Variants in ADAMTSL1 observed in about 807,000 individuals in gnomAD.
ADAMTSL1 encodes ADAMTS like 1.
Under a neutral mutation model 201.8 loss-of-function variants are expected in ADAMTSL1, and 126 were observed. The observed-to-expected ratio is 0.62, with a 90% CI of 0.54 to 0.72. The LOEUF (loss-of-function observed/expected upper bound fraction) is 0.72. Among genes scored for constraint, ADAMTSL1 ranks in the 30% least tolerant of loss-of-function variants. ADAMTSL1 has a pLI of 0.00. For synonymous variants in ADAMTSL1, 1,121 were observed against 903.4 expected (o/e 1.24, Z -4.32); for missense variants, 2,679 against 2,277.8 (o/e 1.18, Z -3.59).
intron 16 of ADAMTSL1, 93 bp from the exon 17 acceptor site, chr9:18,770,509 C>T: frequency 6.2e-6 from 8 of 1,283,172 alleles, no homozygotes; most frequent in South Asian, 1.7e-5. Flanking sequence ...TTTTTTTCTT[C>T]CTTTACTCTG....
intron 23 of ADAMTSL1, among the ~76,000 whole-genome samples, chr9:18,862,829 G>A (rs576440177): frequency 1.3e-5 from 2 of 152,292 alleles, no homozygotes; most frequent in African/African-American, 2.4e-5. Flanking sequence ...AGCAGCCTGA[G>A]GGTAGAGTCA....
intron 23 of ADAMTSL1, among the ~76,000 whole-genome samples, chr9:18,862,886 T>C (rs1827297196): frequency 6.6e-6 from 1 of 152,152 alleles, no homozygotes; most frequent in Admixed American, 6.5e-5. Context: ...AAAAAAATGC[T>C]GATGTGTTTT....
intron 1 of ADAMTSL1, among the ~76,000 whole-genome samples, chr9:18,486,043 G>A (rs964069458): frequency 6.6e-5 from 10 of 152,168 alleles, no homozygotes; most frequent in African/African-American, 2.4e-4. Flanking sequence ...AGGCCTCAGA[G>A]GCTCTTATAA....
intron 3 of ADAMTSL1, among the ~76,000 whole-genome samples, chr9:18,570,709 A>G (rs191227795): frequency 4.8e-4 from 73 of 152,344 alleles, no homozygotes; most frequent in African/African-American, 1.5e-3. Flanking sequence ...CTCAAACACT[A>G]AAAAGGTTCA....
At chr9:17,931,304 C>T (rs189019006) in intron 1 of ADAMTSL1, among the ~76,000 whole-genome samples, 6 of 152,268 alleles carry the variant, frequency 3.9e-5, no homozygotes, top group Admixed American at 1.3e-4. Flanking sequence ...CTCTTAACTC[C>T]GTTCCTTAGC....
At chr9:18,422,188 C>A (rs564556465) in intron 2 of ADAMTSL1, among the ~76,000 whole-genome samples, 1 of 152,128 alleles carries the variant, frequency 6.6e-6, no homozygotes, top group East Asian at 1.9e-4. Context: ...GTCATACACA[C>A]ACACACACAC....
intron 1 of ADAMTSL1, among the ~76,000 whole-genome samples, chr9:18,051,688 A>T (rs1821948569): frequency 6.6e-6 from 1 of 152,182 alleles, no homozygotes; most frequent in African/African-American, 2.4e-5. Flanking sequence ...GGCACAAATG[A>T]AACAGATAAG....
intron 1 of ADAMTSL1, among the ~76,000 whole-genome samples, chr9:18,106,374 T>A (rs1193150211): frequency 2.0e-5 from 3 of 152,232 alleles, no homozygotes; most frequent in Non-Finnish European, 2.9e-5. Context: ...TGAAAACCTA[T>A]CATTTGTAAA....
chr9:18,459,015 A>C (rs1426657257), intron 2 of ADAMTSL1, among the ~76,000 whole-genome samples: 1 of 152,118 alleles, frequency 6.6e-6, no homozygotes, highest in Non-Finnish European at 1.5e-5. Flanking sequence ...CAGGCCTAAA[A>C]TTTTCTAGAA....
chr9:18,140,315 T>A (rs1826343515), intron 1 of ADAMTSL1, among the ~76,000 whole-genome samples: 1 of 152,132 alleles, frequency 6.6e-6, no homozygotes, highest in Admixed American at 6.5e-5. Flanking sequence ...TTGCCGAGAC[T>A]CAGGACTCAG....
intron 1 of ADAMTSL1, among the ~76,000 whole-genome samples, chr9:18,059,267 C>G (rs750615970): frequency 1.2e-4 from 19 of 152,150 alleles, no homozygotes; most frequent in Non-Finnish European, 2.8e-4. Context: ...TTTCATGTCA[C>G]CTTTGCATTC....
intron 1 of ADAMTSL1, among the ~76,000 whole-genome samples, chr9:17,941,909 T>A (rs1827254360): frequency 6.6e-6 from 1 of 152,094 alleles, no homozygotes; most frequent in South Asian, 2.1e-4. Context: ...TGTGGTAGAA[T>A]GGGTGAGGGA....
At chr9:18,023,140 C>CTATATATATATATATATATATATATATA (rs147130418) in intron 1 of ADAMTSL1, among the ~76,000 whole-genome samples, 1 of 150,834 alleles carries the variant, frequency 6.6e-6, no homozygotes, top group Non-Finnish European at 1.5e-5. Flanking sequence ...GAATTATTTA[C>CTATATATATATATATATATATATATATA]TATATATATG....
chr9:18,051,884 A>G lies in ADAMTSL1; in HGVS notation c.88-111978A>G, dbSNP rs768558446. Among the ~76,000 whole-genome samples, 68 of 152,172 alleles carry G rather than the reference A, an allele frequency of 4.5e-4. 2 individuals are homozygous for G. The highest frequency in any genetic ancestry group is 1.5e-4 in the Non-Finnish European group (10 of 68,030). ...CACGTCAAAGCTGTAAGGTGATTTT[A>G]CTTTGGTTTGTGCTCTGTTTCTTTG... On this transcript the variant is annotated intron_variant, in intron 1 of 29. Transcript: ENST00000680146.
rs549334554 is a variant in ADAMTSL1, at chr9:18,682,625, T to A, written c.1489+666T>A. On this transcript the variant is annotated intron_variant, in intron 12 of 28. Transcript: ENST00000380548. The stretch of plus-strand genomic sequence containing the variant: ...AAGTATTGTTACTTGTCTGTGTCAA[T>A]GGAAAAGAAAAATTCAAAGTCACAA... Among the ~76,000 whole-genome samples, 10 of 152,310 alleles carry A rather than the reference T, an allele frequency of 6.6e-5. No individual in the cohort carries two copies. The South Asian group carries it at 2.1e-3, about 32-fold the overall frequency.
At chr9:18,512,681 A>C (rs12001790) in intron 2 of ADAMTSL1, among the ~76,000 whole-genome samples, 24,530 of 152,144 alleles carry the variant, frequency 0.16, 2,173 homozygotes, top group Non-Finnish European at 0.19. Context: ...AACTAAGAGA[A>C]GTTCCCCCAG....
At chr9:18,044,455 T>C (rs752276456) in intron 1 of ADAMTSL1, among the ~76,000 whole-genome samples, 3 of 152,108 alleles carry the variant, frequency 2.0e-5, no homozygotes, top group Non-Finnish European at 2.9e-5. Context: ...GAGTTGTAAG[T>C]TTGGGACCAG....
At chr9:18,014,955 A>G (rs1337671740) in intron 1 of ADAMTSL1, among the ~76,000 whole-genome samples, 3 of 152,212 alleles carry the variant, frequency 2.0e-5, no homozygotes, top group East Asian at 3.9e-4. Context: ...GCCGTGTTAA[A>G]GTTAATCTCG....
intron 1 of ADAMTSL1, among the ~76,000 whole-genome samples, chr9:17,968,319 G>C (rs1022863722): frequency 6.6e-6 from 1 of 152,070 alleles, no homozygotes; most frequent in Non-Finnish European, 1.5e-5. Context: ...TTCTTCCTAA[G>C]TGTTACAATT....
Sources: allele counts gnomAD v4.1 joint callset (sites outside exome capture counted in the v4.1 genomes callset), GRCh38; gene constraint gnomAD v4.1.1; transcripts MANE v1.5; gene names NCBI Gene and HGNC (gene_info 2026-07-23, HGNC 2026-07-21).